Variants in ADAR observed in about 807,000 individuals in gnomAD.
ADAR encodes adenosine deaminase RNA specific.
In ADAR, 41 loss-of-function variants were observed where a neutral mutation model predicts 113.2. That is an observed-to-expected ratio of 0.36 (90% CI 0.28 to 0.47). The LOEUF is 0.47. ADAR is among the 20% of genes least tolerant of loss of function. The probability of loss-of-function intolerance (pLI) is 1.00; values close to 1 mark genes in which losing one functional copy is unlikely to be tolerated. For missense variants in ADAR, 1,242 were observed against 1,540.9 expected, an observed-to-expected ratio of 0.81 and a Z score of 3.25; for synonymous variants, 605 against 572.6, an observed-to-expected ratio of 1.06 and a Z score of -0.81.
chr1:154,601,660 G>C lies in ADAR; in HGVS notation c.982C>G (p.Arg328Gly), dbSNP rs1322905273. Residue 328 changes from arginine (R) to glycine (G), a missense_variant, in exon 2 of 15, where the codon CGA (arginine) becomes GGA (glycine). This residue lies in a region of ADAR where 462 missense variants were observed against 483.1 expected (regional missense o/e 0.96). Coordinates refer to ENST00000368474, the MANE Select transcript of ADAR (RefSeq NM_001111.5). This position sits in a 1 kb window ranked among gnomAD's most constrained non-coding sequence, Gnocchi z 4.7. ...TCAATTAGCACAGCATTTATATCTC[G>C]GGCCTTGGTAAGGCCAATATTTTTA... ...LAKNIGLTKA[R>G]DINAVLIDME... 2 of 1,614,004 alleles carry C rather than the reference G, an allele frequency of 1.2e-6. No individual in the cohort carries two copies. The highest frequency in any genetic ancestry group is 2.2e-5 in the East Asian group (1 of 44,882).
In ADAR at chr1:154,583,965, G is replaced by A. The variant is rs1452291261; in HGVS notation, c.*841C>T. ...AATGCTTTAGGAGAAGAGGCAGCTG[G>A]AAGCTTGGCAATATTCCAAGGCATG... is the stretch of plus-strand genomic sequence containing the variant. On this transcript the variant is annotated 3_prime_UTR_variant, in exon 15 of 15. Coordinates refer to ENST00000368474, the MANE Select transcript of ADAR (RefSeq NM_001111.5). The A allele has an allele frequency of 2.0e-5, 3 of 152,250 alleles. No individual in the cohort carries two copies. Among genetic ancestry groups the A allele is most frequent in the Non-Finnish European group, 4.4e-5 (3 of 68,048 alleles). 9.4% of individuals were successfully genotyped at this position (152,250 alleles called of 1,614,324 possible).
At chr1:154,593,890 G>GTT (rs35428129) in intron 6 of ADAR, among the ~76,000 whole-genome samples, 3 of 146,800 alleles carry the variant, frequency 2.0e-5, no homozygotes, top group African/African-American at 5.0e-5. Flanking sequence ...TGATTTTTTT[G>GTT]TTTTTTTTTT....
In ADAR at chr1:154,590,309, C is replaced by T; in HGVS notation, c.2371G>A (p.Val791Ile). ...GCCTTCTCGTTCTCCCCAATCAAGA[C>T]ACGGAGAGCCGCATCTGCTGCTTCC... ...KQEAADAALR[V>I]LIGENEKAER... The change falls in exon 7 of 15, where the codon GTC becomes ATC. Residue 791 changes from valine to isoleucine, a missense_variant. Physicochemically the swap from Val to Ile is conservative, Grantham distance 29. Transcript: ENST00000368474. The T allele has an allele frequency of 2.5e-6, 4 of 1,614,154 alleles. No individual in the cohort carries two copies. Among genetic ancestry groups the T allele is most frequent in the Non-Finnish European group, 3.4e-6 (4 of 1,180,034 alleles).
intron 2 of ADAR, 176 bp downstream of exon 2, chr1:154,600,865 T>C: frequency 1.1e-6 from 1 of 894,448 alleles, no homozygotes. Context: ...AGGTCTATAT[T>C]CCCTGCTCAA....
chr1:154,623,575 C>T (rs56019122), intron 1 of ADAR, among the ~76,000 whole-genome samples: 27,150 of 152,160 alleles, frequency 0.18, 2,813 homozygotes, highest in South Asian at 0.33. Context: ...AAGAGTGAGC[C>T]TATGATGTAG....
upstream of ADAR, chr1:154,608,740 G>T (rs1471435975): frequency 6.8e-6 from 1 of 146,538 alleles, no homozygotes. Flanking sequence ...GAAAACAAAG[G>T]CACACAAAAC....
rs745618991 is a variant in ADAR, at chr1:154,626,148, C to T, written c.-871+1707G>A. The stretch of plus-strand genomic sequence containing the variant: ...TTTTTTTTTTTTTGAGATACAGTTT[C>T]GCTGTCGTCCAGGCTGGGGTGCAAT... On this transcript the variant is annotated intron_variant, in intron 1 of 14. Transcript: ENST00000368471. 4.3e-5 allele frequency among the ~76,000 whole-genome samples: 6 copies of T among 139,512 alleles called. No homozygotes were observed. In the East Asian group the frequency reaches 1.4e-3, roughly 33 times the overall value. The allele number at this position is 139,512 out of a possible 152,430, so 91.5% of individuals were successfully genotyped here.
chr1:154,612,293 A>T (rs1698505915), upstream of ADAR, among the ~76,000 whole-genome samples: 2 of 147,276 alleles, frequency 1.4e-5, no homozygotes, highest in Admixed American at 1.3e-4. Context: ...GCAACATATT[A>T]TCAAAGAAAG....
At chr1:154,605,134 C>T (rs772590275) in intron 1 of ADAR, among the ~76,000 whole-genome samples, 1 of 152,192 alleles carries the variant, frequency 6.6e-6, no homozygotes, top group Non-Finnish European at 1.5e-5. Context: ...ACCTTGTCTG[C>T]CACCTCTGTA....
intron 8 of ADAR, 36 bp downstream of exon 8, chr1:154,589,721 G>A (rs371843017): frequency 1.5e-5 from 24 of 1,613,546 alleles, no homozygotes; most frequent in African/African-American, 4.0e-5. Flanking sequence ...GCTTTCAGGC[G>A]CCATGGGAGG....
intron 1 of ADAR, among the ~76,000 whole-genome samples, chr1:154,626,841 G>T (rs967483577): frequency 6.6e-6 from 1 of 152,150 alleles, no homozygotes; most frequent in African/African-American, 2.4e-5. Flanking sequence ...CATATAGCAA[G>T]CACTAACTGT....
intron 6 of ADAR, among the ~76,000 whole-genome samples, chr1:154,593,699 G>A (rs1281982928): frequency 6.6e-6 from 1 of 152,190 alleles, no homozygotes; most frequent in Non-Finnish European, 1.5e-5. Context: ...GTGGGCAGAT[G>A]TGTGTTCTAA....
intron 1 of ADAR, among the ~76,000 whole-genome samples, chr1:154,619,003 G>C (rs530494427): frequency 2.0e-5 from 3 of 152,156 alleles, no homozygotes; most frequent in Non-Finnish European, 4.4e-5. Context: ...CCAGCTACTA[G>C]TGGGGCAGAG....
rs2101644028 is a variant in ADAR at position 154,602,224 on chromosome 1, C to G, written c.418G>C (p.Glu140Gln). The G allele has an allele frequency of 6.2e-7, 1 of 1,614,202 alleles. No individual in the cohort carries two copies. Among genetic ancestry groups the G allele is most frequent in the Admixed American group, 1.7e-5 (1 of 60,016 alleles). The change falls in exon 2 of 15, where the codon GAA (glutamate) becomes CAA (glutamine). Residue 140 changes from glutamate (E) to glutamine (Q), a missense_variant. Glu to Gln is a conservative substitution (Grantham distance 29). Coordinates refer to ENST00000368474, the MANE Select transcript of ADAR (RefSeq NM_001111.5). Reference protein sequence around the residue: ...FQELSIYQDQEQRILKFLEEL... With the variant: ...FQELSIYQDQQQRILKFLEEL... ...TCCAGGAACTTTAAGATCCTTTGTT[C>G]CTGATCTTGGTAGATACTCAGTTCC... is the stretch of plus-strand genomic sequence containing the variant.
In ADAR at chr1:154,601,653, A is replaced by T; in HGVS notation, c.989T>A (p.Ile330Lys). 6.2e-7 allele frequency: 1 copy of T among 1,614,082 alleles called. No individual in the cohort carries two copies. Among genetic ancestry groups the T allele is most frequent in the Non-Finnish European group, 8.5e-7 (1 of 1,180,044 alleles). The stretch of plus-strand genomic sequence containing the variant: ...TTCCATGTCAATTAGCACAGCATTT[A>T]TATCTCGGGCCTTGGTAAGGCCAAT... ...KNIGLTKARD[I>K]NAVLIDMERQ... The change falls in exon 2 of 15, where the codon ATA (isoleucine) becomes AAA (lysine). Residue 330 changes from isoleucine (I) to lysine (K), a missense_variant. Physicochemically the swap from Ile to Lys is moderately radical, Grantham distance 102. Transcript: ENST00000368474. The surrounding 1 kb of genome is among the most constrained non-coding windows in gnomAD (Gnocchi z 4.7).
At chr1:154,612,135 G>C (rs1698502647), upstream of ADAR, among the ~76,000 whole-genome samples, 1 of 152,022 alleles carries the variant, frequency 6.6e-6, no homozygotes, top group Non-Finnish European at 1.5e-5. Context: ...CCTATAACCA[G>C]ACTTTACTAC....
chr1:154,590,435 A>G, intron 6 of ADAR, 26 bp from the exon 7 acceptor site: 1 of 1,607,526 alleles, frequency 6.2e-7, no homozygotes, highest in African/African-American at 1.3e-5. Flanking sequence ...CAGAGAATGA[A>G]GACAAGTGCC....
upstream of ADAR, among the ~76,000 whole-genome samples, chr1:154,609,596 G>A (rs1350021496): frequency 2.0e-5 from 3 of 152,160 alleles, no homozygotes; most frequent in Admixed American, 6.5e-5. Context: ...TACAAGGGAG[G>A]CCTTCCCCAC....
At chr1:154,596,450 G>A (rs992531328) in intron 6 of ADAR, among the ~76,000 whole-genome samples, 3 of 152,012 alleles carry the variant, frequency 2.0e-5, no homozygotes, top group East Asian at 1.9e-4. Context: ...CATATGGTCC[G>A]GCTGGTCTTG....
Sources: allele counts gnomAD v4.1 joint callset (sites outside exome capture counted in the v4.1 genomes callset), GRCh38; gene constraint gnomAD v4.1.1; regional missense constraint gnomAD v4.1.1; non-coding constraint Gnocchi (gnomAD v3.1); transcripts MANE v1.5; gene names NCBI Gene and HGNC (gene_info 2026-07-23, HGNC 2026-07-21).